TRPM3: variants seen among roughly 807,000 people sequenced by gnomAD.
TRPM3 encodes the protein long transient receptor potential channel 3.
TRPM3 carries 77 observed loss-of-function variants against 181.2 expected under a neutral mutation model. That is an observed-to-expected ratio of 0.42 (90% CI 0.35 to 0.51). The LOEUF (loss-of-function observed/expected upper bound fraction) is 0.51, where lower values mean the gene tolerates loss of function less well. Among genes scored for constraint, TRPM3 ranks in the 20% least tolerant of loss-of-function variants. TRPM3 has a pLI of 0.01. For synonymous variants in TRPM3, 745 were observed against 796.4 expected, an observed-to-expected ratio of 0.94 and a Z score of 1.09; for missense variants, 1,759 against 2,196.7, an observed-to-expected ratio of 0.80 and a Z score of 3.98.
intron 20 of TRPM3, 142 bp downstream of exon 20, chr9:70,603,200 G>T: frequency 1.0e-6 from 1 of 987,056 alleles, no homozygotes; most frequent in Non-Finnish European, 1.5e-6. Flanking sequence ...TTTGTCAGAG[G>T]AGCAAAGAAG....
chr9:71,378,842 A>G (rs182346823), intron 1 of TRPM3, among the ~76,000 whole-genome samples: 37 of 152,198 alleles, frequency 2.4e-4, no homozygotes, highest in African/African-American at 8.7e-4. Flanking sequence ...AAATACTATT[A>G]CAGCATTATA....
intron 1 of TRPM3, among the ~76,000 whole-genome samples, chr9:71,288,052 T>A (rs1025576174): frequency 1.6e-3 from 245 of 152,224 alleles, no homozygotes; most frequent in African/African-American, 5.6e-3. Context: ...ATACTACATA[T>A]TAAATATTTT....
intron 6 of TRPM3, among the ~76,000 whole-genome samples, chr9:70,787,255 AAC>A (rs35704005): frequency 6.6e-6 from 1 of 151,842 alleles, no homozygotes; most frequent in Admixed American, 6.6e-5. Flanking sequence ...TCCAGAGCTG[AAC>A]ACACACACAC....
At chr9:70,589,129 T>A (rs2057669758) in intron 22 of TRPM3, among the ~76,000 whole-genome samples, 2 of 152,212 alleles carry the variant, frequency 1.3e-5, no homozygotes, top group African/African-American at 4.8e-5. Context: ...ACAGATCTAA[T>A]TAACAGTGTG....
chr9:71,110,901 ATT>A (rs1289990710), intron 1 of TRPM3, among the ~76,000 whole-genome samples: 1 of 152,180 alleles, frequency 6.6e-6, no homozygotes, highest in African/African-American at 2.4e-5. Flanking sequence ...TCACATAAAA[ATT>A]TGTCTTGAGA....
intron 8 of TRPM3, among the ~76,000 whole-genome samples, chr9:70,682,318 A>C (rs1471989177): frequency 6.6e-6 from 1 of 152,192 alleles, no homozygotes; most frequent in Non-Finnish European, 1.5e-5. Flanking sequence ...ATGACTATGT[A>C]ATCAAAACAT....
chr9:71,141,767 C>T (rs1460482217), intron 1 of TRPM3, among the ~76,000 whole-genome samples: 1 of 152,032 alleles, frequency 6.6e-6, no homozygotes, highest in Admixed American at 6.6e-5. Flanking sequence ...TTTCTCATAC[C>T]ACTTTCACTC....
In TRPM3 at chr9:70,535,623, C is replaced by T. The variant is rs547992916; in HGVS notation, c.*330G>A. 29 of 1,460,248 alleles carry T rather than the reference C, an allele frequency of 2.0e-5. No homozygotes were observed. Among genetic ancestry groups the T allele is most frequent in the Middle Eastern group, 2.2e-4 (1 of 4,608 alleles). The allele number at this position is 1,460,248 out of a possible 1,614,324, so 90.5% of individuals were successfully genotyped here. ...GATGCCTCCTGGCATGGAGCGTGCT[C>T]GAAGCCCCTTGTTTCCCCTGCTCTC... On this transcript the variant is annotated 3_prime_UTR_variant, in exon 26 of 26. Coordinates refer to ENST00000677713, the MANE Select transcript of TRPM3 (RefSeq NM_001366145.2).
At chr9:70,645,374 G>T (rs1363473137) in intron 9 of TRPM3, among the ~76,000 whole-genome samples, 5 of 152,202 alleles carry the variant, frequency 3.3e-5, no homozygotes, top group Admixed American at 3.3e-4. Flanking sequence ...TATATCAATG[G>T]AACAGAGCAG....
intron 1 of TRPM3, among the ~76,000 whole-genome samples, chr9:71,360,427 C>T (rs1007562592): frequency 6.6e-5 from 10 of 152,084 alleles, no homozygotes; most frequent in Admixed American, 4.6e-4. Context: ...CAATATGACA[C>T]GTTAATTTCA....
intron 1 of TRPM3, among the ~76,000 whole-genome samples, chr9:71,318,703 T>TA (rs1425889735): frequency 6.6e-6 from 1 of 152,182 alleles, no homozygotes; most frequent in African/African-American, 2.4e-5. Context: ...CGTTGAGAGT[T>TA]AAAGAGAACT....
chr9:70,681,451 A>G (rs991592441), intron 9 of TRPM3, 55 bp downstream of exon 9: 7 of 1,407,968 alleles, frequency 5.0e-6, no homozygotes, highest in Non-Finnish European at 7.0e-6. Flanking sequence ...ACATAAGGTC[A>G]CTGTATTAAT....
Position 71,017,831 on chromosome 9 carries a change from A to G in TRPM3, c.177+103347T>C, listed in dbSNP as rs536704666. Among the ~76,000 whole-genome samples, 9 of 151,990 alleles carry G rather than the reference A, an allele frequency of 5.9e-5. No individual in the cohort carries two copies. The East Asian group carries it at 1.7e-3, about 29-fold the overall frequency. ...ACATAAAAAATAAGCAACAGATTTG[A>G]CCTAACTGACATACATAGAACTCTA... On this transcript the variant is annotated intron_variant, in intron 1 of 25. Transcript: ENST00000677713.
chr9:71,149,831 G>A (rs1406892582), intron 1 of TRPM3, among the ~76,000 whole-genome samples: 2 of 151,606 alleles, frequency 1.3e-5, no homozygotes, highest in Non-Finnish European at 2.9e-5. Flanking sequence ...GAGTGTGGTG[G>A]CACGCACCTG....
At chr9:71,102,634 C>T (rs2068611472) in intron 1 of TRPM3, among the ~76,000 whole-genome samples, 1 of 152,140 alleles carries the variant, frequency 6.6e-6, no homozygotes, top group Non-Finnish European at 1.5e-5. Context: ...ATCTTAATCA[C>T]CTTTTAGATT....
chr9:70,555,233 C>T (rs2047376324), intron 22 of TRPM3, among the ~76,000 whole-genome samples: 1 of 152,232 alleles, frequency 6.6e-6, no homozygotes, highest in South Asian at 2.1e-4. Context: ...CTCTTTAGTG[C>T]TCACCTGGCT....
intron 1 of TRPM3, among the ~76,000 whole-genome samples, chr9:71,161,752 T>C (rs958018646): frequency 2.6e-5 from 4 of 152,122 alleles, no homozygotes; most frequent in Non-Finnish European, 5.9e-5. Flanking sequence ...GTTTAGACTT[T>C]AAGAAAGATG....
At chr9:71,383,920 A>G (rs2092865192) in intron 1 of TRPM3, among the ~76,000 whole-genome samples, 1 of 152,248 alleles carries the variant, frequency 6.6e-6, no homozygotes, top group African/African-American at 2.4e-5. Context: ...GGAATGATCC[A>G]TTTTGCTAGT....
intron 1 of TRPM3, among the ~76,000 whole-genome samples, chr9:71,053,566 T>TCCACTGCC (rs2060308810): frequency 6.6e-6 from 1 of 152,054 alleles, no homozygotes. Context: ...CACCTAAAAT[T>TCCACTGCC]CCACTGCCCA....
Sources: gnomAD v4.1 joint callset for allele counts (sites outside exome capture counted in the v4.1 genomes callset) on GRCh38, gnomAD v4.1.1 for gene constraint, MANE v1.5 for transcripts, NCBI Gene and HGNC (gene_info 2026-07-23, HGNC 2026-07-21) for gene names.